Variants in SUPT3H observed in about 807,000 individuals in gnomAD.
SUPT3H encodes the protein SPT3 homolog, SAGA and STAGA complex component.
In SUPT3H, 44 loss-of-function variants were observed where a neutral mutation model predicts 44.3. That is an observed-to-expected ratio of 0.99 (90% confidence interval 0.78 to 1.28). The LOEUF is 1.28. Among genes scored for constraint, SUPT3H ranks in the 50% most tolerant of loss-of-function variants. The probability of loss-of-function intolerance (pLI) is 0.00; values close to 1 mark genes in which losing one functional copy is unlikely to be tolerated. For missense variants in SUPT3H, 380 were observed against 387.1 expected, an observed-to-expected ratio of 0.98 and a Z score of 0.15; for synonymous variants, 124 against 125.6, an observed-to-expected ratio of 0.99 and a Z score of 0.09.
At chr6:45,053,787 C>T (rs568183154) in intron 3 of SUPT3H, among the ~76,000 whole-genome samples, 104 of 148,228 alleles carry the variant, frequency 7.0e-4, no homozygotes, top group Non-Finnish European at 1.1e-3. Context: ...TGGTGATGGG[C>T]GCCTGTACTC....
chr6:44,845,019 G>GA (rs1041471173), intron 10 of SUPT3H, among the ~76,000 whole-genome samples: 1 of 152,134 alleles, frequency 6.6e-6, no homozygotes, highest in Non-Finnish European at 1.5e-5. Context: ...TACTAGAAAT[G>GA]AAACACAGCA....
chr6:44,952,189 C>T (rs554419807), intron 9 of SUPT3H, among the ~76,000 whole-genome samples: 1 of 152,232 alleles, frequency 6.6e-6, no homozygotes, highest in South Asian at 2.1e-4. Context: ...TATATGTTAA[C>T]ATATTTTCTA....
intron 2 of SUPT3H, among the ~76,000 whole-genome samples, chr6:45,178,184 G>A (rs1812369192): frequency 1.3e-5 from 2 of 152,122 alleles, no homozygotes; most frequent in African/African-American, 4.8e-5. Context: ...CATCTCATGT[G>A]CAGAGACACA....
At chr6:45,303,923 G>A (rs1460682997) in intron 2 of SUPT3H, among the ~76,000 whole-genome samples, 2 of 151,676 alleles carry the variant, frequency 1.3e-5, no homozygotes, top group Non-Finnish European at 2.9e-5. Context: ...AACCCAGGAG[G>A]GGGAGGTTGC....
intron 2 of SUPT3H, among the ~76,000 whole-genome samples, chr6:45,360,203 G>A (rs1401688535): frequency 1.3e-5 from 2 of 152,166 alleles, no homozygotes; most frequent in African/African-American, 4.8e-5. Context: ...AATATTTGGT[G>A]AGTTACTCAA....
intron 2 of SUPT3H, among the ~76,000 whole-genome samples, chr6:45,189,816 C>G (rs1298462473): frequency 1.3e-5 from 2 of 152,126 alleles, no homozygotes; most frequent in Non-Finnish European, 2.9e-5. Context: ...ATTAATAACC[C>G]CACGTTCCTT....
At chr6:44,839,315 TATTATTA>T (rs1184671539) in intron 10 of SUPT3H, among the ~76,000 whole-genome samples, 1 of 121,022 alleles carries the variant, frequency 8.3e-6, no homozygotes, top group East Asian at 3.6e-4. Context: ...GTTTCACTAT[TATTATTA>T]TTTTTTTTTG....
At chr6:44,895,279 A>G (rs1763962249) in intron 10 of SUPT3H, among the ~76,000 whole-genome samples, 1 of 144,100 alleles carries the variant, frequency 6.9e-6, no homozygotes, top group Admixed American at 7.0e-5. Flanking sequence ...TTTTTTTAAG[A>G]GACACAGTTT....
At chr6:45,192,842 A>G (rs192171583) in intron 2 of SUPT3H, among the ~76,000 whole-genome samples, 5 of 152,308 alleles carry the variant, frequency 3.3e-5, no homozygotes, top group Admixed American at 3.3e-4. Flanking sequence ...ATAAAATTCC[A>G]TAAGATTTAA....
At chr6:45,045,118 T>C (rs962446294) in intron 3 of SUPT3H, among the ~76,000 whole-genome samples, 1 of 152,112 alleles carries the variant, frequency 6.6e-6, no homozygotes, top group African/African-American at 2.4e-5. Context: ...TTAAGAAATG[T>C]CACAAGTAAA....
At chr6:45,120,438 A>AAC (rs1801485556) in intron 2 of SUPT3H, among the ~76,000 whole-genome samples, 1 of 148,736 alleles carries the variant, frequency 6.7e-6, no homozygotes, top group African/African-American at 2.5e-5. Context: ...AAAAAAAAAA[A>AAC]AAAGACTATA....
intron 3 of SUPT3H, among the ~76,000 whole-genome samples, chr6:45,071,692 C>T (rs1583391744): frequency 6.6e-6 from 1 of 150,934 alleles, no homozygotes; most frequent in East Asian, 1.9e-4. Context: ...TTGATCTGTC[C>T]AAAATGAGCC....
chr6:44,904,106 T>C (rs1367966876), intron 10 of SUPT3H, among the ~76,000 whole-genome samples: 2 of 152,174 alleles, frequency 1.3e-5, no homozygotes, highest in African/African-American at 4.8e-5. Flanking sequence ...AAGCATTCCC[T>C]TTGAAAACTG....
intron 10 of SUPT3H, among the ~76,000 whole-genome samples, chr6:44,893,010 C>T (rs1763540622): frequency 6.6e-6 from 1 of 151,918 alleles, no homozygotes; most frequent in Admixed American, 6.6e-5. Flanking sequence ...TGAACAAATA[C>T]AAAATGTATG....
chr6:44,922,704 T>A (rs992956487), intron 10 of SUPT3H, among the ~76,000 whole-genome samples: 1 of 152,186 alleles, frequency 6.6e-6, no homozygotes, highest in Non-Finnish European at 1.5e-5. Context: ...ACTTAAAAAA[T>A]GAAAATAATA....
intron 3 of SUPT3H, among the ~76,000 whole-genome samples, chr6:45,056,758 G>A (rs975625940): frequency 1.4e-4 from 22 of 152,104 alleles, no homozygotes; most frequent in African/African-American, 4.3e-4. Context: ...TGTACACTGC[G>A]TGGGTGATTG....
intron 10 of SUPT3H, among the ~76,000 whole-genome samples, chr6:44,866,564 T>C (rs185886090): frequency 1.8e-3 from 273 of 152,206 alleles, no homozygotes; most frequent in African/African-American, 6.4e-3. Context: ...CTGTCTTCTA[T>C]ACAAGCAACT....
intron 11 of SUPT3H, among the ~76,000 whole-genome samples, chr6:44,817,765 G>A (rs6904015): frequency 0.41 from 62,839 of 151,818 alleles, 13,336 homozygotes; most frequent in East Asian, 0.69. Context: ...ATCCATGCAC[G>A]AACCTAATAA....
rs1282154159 is a variant in SUPT3H, at chr6:45,095,510, T to G, written c.186+10412A>C. ...CTCTTCACACTTATAAATTTGTTCT[T>G]TATTACTTTTCATAATTAAGGAGAA... On this transcript the variant is annotated intron_variant, in intron 3 of 10. Coordinates refer to ENST00000371459, the MANE Select transcript of SUPT3H (RefSeq NM_003599.4). This position sits in a 1 kb window ranked among gnomAD's most constrained non-coding sequence, Gnocchi z 4.1. Among the ~76,000 whole-genome samples, 1 of 152,088 alleles carries G rather than the reference T, an allele frequency of 6.6e-6. No homozygotes were observed. The highest frequency in any genetic ancestry group is 2.4e-5 in the African/African-American group (1 of 41,440).
Sources: gnomAD v4.1 joint callset for allele counts (sites outside exome capture counted in the v4.1 genomes callset) on GRCh38, gnomAD v4.1.1 for gene constraint, Gnocchi (gnomAD v3.1) non-coding constraint, MANE v1.5 for transcripts, NCBI Gene and HGNC (gene_info 2026-07-23, HGNC 2026-07-21) for gene names.